Variants in MRAP2 observed in about 807,000 individuals in gnomAD.
MRAP2 encodes the protein melanocortin 2 receptor accessory protein 2, also known as melanocortin-2 receptor accessory protein 2.
MRAP2 carries 20 observed loss-of-function variants against 17.4 expected under a neutral mutation model. That is an observed-to-expected ratio of 1.15 (90% CI 0.81 to 1.67). The LOEUF is 1.67. Ranked by LOEUF, MRAP2 falls within the 40% of genes most tolerant of loss-of-function variation. The pLI, the probability that MRAP2 is intolerant of heterozygous loss-of-function variation, is 0.00. For missense variants in MRAP2, 238 were observed against 240.0 expected, an observed-to-expected ratio of 0.99 and a Z score of 0.05; for synonymous variants, 96 against 88.4, an observed-to-expected ratio of 1.09 and a Z score of -0.48.
downstream of MRAP2, among the ~76,000 whole-genome samples, chr6:84,093,218 A>T (rs1368276027): frequency 1.3e-5 from 2 of 151,842 alleles, no homozygotes; most frequent in Non-Finnish European, 2.9e-5. Flanking sequence ...ATCAAGAGAG[A>T]TCACCAAACA....
chr6:84,145,479 A>C, the MRAP2 span, among the ~76,000 whole-genome samples: 1 of 152,164 alleles, frequency 6.6e-6, no homozygotes, highest in Non-Finnish European at 1.5e-5. Flanking sequence ...TCTCTGATAG[A>C]AATGAGGGTG....
At chr6:84,141,191 G>C in the MRAP2 span, among the ~76,000 whole-genome samples, 1 of 151,978 alleles carries the variant, frequency 6.6e-6, no homozygotes, top group Non-Finnish European at 1.5e-5. Flanking sequence ...GGGGACCCCT[G>C]GTCTAGAATC....
intron 1 of MRAP2, among the ~76,000 whole-genome samples, chr6:84,042,159 C>T (rs2099487753): frequency 6.6e-6 from 1 of 152,110 alleles, no homozygotes; most frequent in South Asian, 2.1e-4. Flanking sequence ...AGGGGCTTTC[C>T]CCCTTTTGCT....
chr6:84,051,754 GC>G, intron 1 of MRAP2, among the ~76,000 whole-genome samples: 1 of 152,282 alleles, frequency 6.6e-6, no homozygotes, highest in African/African-American at 2.4e-5. Flanking sequence ...AAAAGAGAGT[GC>G]CCAGGAGTGG....
the MRAP2 span, among the ~76,000 whole-genome samples, chr6:84,106,671 C>A: frequency 6.6e-6 from 1 of 152,134 alleles, no homozygotes; most frequent in Admixed American, 6.5e-5. Flanking sequence ...GCCATGGATG[C>A]AGGCTGGGAG....
At chr6:84,069,607 T>C (rs1055139561) in intron 3 of MRAP2, among the ~76,000 whole-genome samples, 5 of 152,196 alleles carry the variant, frequency 3.3e-5, no homozygotes, top group African/African-American at 1.2e-4. Flanking sequence ...GCTGGCTTCA[T>C]AGAATAAATT....
chr6:84,112,870 T>C, the MRAP2 span, among the ~76,000 whole-genome samples: 2 of 152,238 alleles, frequency 1.3e-5, no homozygotes, highest in African/African-American at 4.8e-5. Context: ...CCAGTAGTCA[T>C]TCAGGAGCAG....
rs369237527 is a variant in MRAP2, at chr6:84,047,225, C to T, written c.-7-8087C>T. Among the ~76,000 whole-genome samples, 59 of 152,000 alleles carry T rather than the reference C, an allele frequency of 3.9e-4. 1 individual carries two copies. The South Asian group carries it at 8.3e-3, about 21-fold the overall frequency. On this transcript the variant is annotated intron_variant, in intron 1 of 3. Transcript: ENST00000257776. ...TTACTTTTTGAGACAGGATTTTGCT[C>T]TGTCACCCAAGCTGGAGTGCAGTGG...
Position 84,058,324 on chromosome 6 carries a change from A to G in MRAP2, c.127+2879A>G, listed in dbSNP as rs2099492196. On this transcript the variant is annotated intron_variant, in intron 2 of 3. Transcript: ENST00000257776. Reference sequence around the variant, plus strand: ...AAATGCATACATTCTGGATATTTTTAAAAGATGGATCTGGCAAGATTTGTC... The same window carrying G: ...AAATGCATACATTCTGGATATTTTTGAAAGATGGATCTGGCAAGATTTGTC... Among the ~76,000 whole-genome samples, 4 of 152,228 alleles carry G rather than the reference A, an allele frequency of 2.6e-5. No homozygotes were observed. In the South Asian group the frequency reaches 6.2e-4, roughly 24 times the overall value.
At chr6:84,064,894 C>T (rs1272683942) in intron 3 of MRAP2, among the ~76,000 whole-genome samples, 1 of 152,220 alleles carries the variant, frequency 6.6e-6, no homozygotes, top group African/African-American at 2.4e-5. Context: ...GTTGTTCACT[C>T]TTCAGCCTGC....
At chr6:84,048,655 C>CT (rs2099489634) in intron 1 of MRAP2, among the ~76,000 whole-genome samples, 1 of 152,190 alleles carries the variant, frequency 6.6e-6, no homozygotes, top group Non-Finnish European at 1.5e-5. Flanking sequence ...GGATGGCAGT[C>CT]TAACACGTTG....
At chr6:84,076,468 C>T (rs749495360) in intron 3 of MRAP2, among the ~76,000 whole-genome samples, 29 of 152,224 alleles carry the variant, frequency 1.9e-4, no homozygotes, top group Middle Eastern at 3.4e-3. Context: ...AGGTGATCCA[C>T]CTACCTCTGC....
the MRAP2 span, among the ~76,000 whole-genome samples, chr6:84,101,285 T>A: frequency 5.9e-5 from 9 of 152,338 alleles, no homozygotes; most frequent in South Asian, 8.3e-4. Context: ...ATGTCCTTCT[T>A]AGGGAAGAAA....
chr6:84,138,604 G>C, the MRAP2 span, among the ~76,000 whole-genome samples: 128 of 152,300 alleles, frequency 8.4e-4, no homozygotes, highest in African/African-American at 2.7e-3. Context: ...AGGACACTGA[G>C]TGCTTAGCTT....
the MRAP2 span, among the ~76,000 whole-genome samples, chr6:84,113,905 G>T: frequency 6.6e-6 from 1 of 152,282 alleles, no homozygotes; most frequent in East Asian, 1.9e-4. Flanking sequence ...TTGAATATTG[G>T]CCCCCAGCCT....
intron 3 of MRAP2, among the ~76,000 whole-genome samples, chr6:84,083,197 T>TA (rs2099499448): frequency 1.3e-5 from 2 of 152,218 alleles, no homozygotes; most frequent in African/African-American, 4.8e-5. Flanking sequence ...TTGCTTTTGC[T>TA]AAAAATCCCT....
chr6:84,040,403 A>T (rs2099487221), intron 1 of MRAP2, among the ~76,000 whole-genome samples: 1 of 152,214 alleles, frequency 6.6e-6, no homozygotes, highest in African/African-American at 2.4e-5. Context: ...GTGGGGAGTT[A>T]CTATTAAAGA....
At chr6:84,075,458 G>T (rs1371525316) in intron 3 of MRAP2, among the ~76,000 whole-genome samples, 2 of 152,162 alleles carry the variant, frequency 1.3e-5, no homozygotes, top group East Asian at 3.9e-4. Flanking sequence ...GTATGGTGGG[G>T]CAGGCAGGGG....
chr6:84,109,779 G>C, the MRAP2 span, among the ~76,000 whole-genome samples: 1 of 150,292 alleles, frequency 6.7e-6, no homozygotes, highest in African/African-American at 2.5e-5. Context: ...AGGTCCTGGT[G>C]TGTGATGTTC....
Sources: gnomAD v4.1 joint callset for allele counts (sites outside exome capture counted in the v4.1 genomes callset) on GRCh38, gnomAD v4.1.1 for gene constraint, MANE v1.5 for transcripts, NCBI Gene and HGNC (gene_info 2026-07-23, HGNC 2026-07-21) for gene names.